The following AP2B1 variants were observed in gnomAD, a reference collection of about 807,000 sequenced individuals.
AP2B1 encodes adaptor related protein complex 2 subunit beta 1.
A neutral mutation model predicts 102.0 loss-of-function variants in AP2B1; 23 were observed. The ratio of observed to expected loss-of-function variants is 0.23; its 90% confidence interval spans 0.16 to 0.32. AP2B1 has a LOEUF of 0.32. Among genes scored for constraint, AP2B1 ranks in the 10% least tolerant of loss-of-function variants. The pLI, the probability that AP2B1 is intolerant of heterozygous loss-of-function variation, is 1.00. For synonymous variants in AP2B1, 381 were observed against 421.2 expected (o/e 0.90, Z 1.17); for missense variants, 541 against 1,157.4 (o/e 0.47, Z 7.73).
chr17:35,702,709 G>A (rs1181096548), intron 18 of AP2B1, among the ~76,000 whole-genome samples: 5 of 152,172 alleles, frequency 3.3e-5, no homozygotes, highest in South Asian at 2.1e-4. Flanking sequence ...GAGGCAGAGA[G>A]ACTGTTAAAG....
At chr17:35,636,692 A>G (rs2074616721) in intron 10 of AP2B1, among the ~76,000 whole-genome samples, 1 of 152,220 alleles carries the variant, frequency 6.6e-6, no homozygotes, top group Admixed American at 6.5e-5. Context: ...GTCTATTGGC[A>G]TATTTTAAAG....
intron 5 of AP2B1, among the ~76,000 whole-genome samples, chr17:35,614,467 G>A (rs1204995709): frequency 6.6e-6 from 1 of 151,944 alleles, no homozygotes; most frequent in Non-Finnish European, 1.5e-5. Context: ...TGAGATTATA[G>A]GCGTGAGCCA....
intron 3 of AP2B1, among the ~76,000 whole-genome samples, chr17:35,599,206 A>C (rs375754229): frequency 3.0e-4 from 45 of 152,256 alleles, no homozygotes; most frequent in African/African-American, 1.1e-3. Context: ...GACTTGAGAA[A>C]AAACCCTTGT....
intron 13 of AP2B1, among the ~76,000 whole-genome samples, chr17:35,656,599 A>G (rs911307961): frequency 6.6e-6 from 1 of 152,208 alleles, no homozygotes; most frequent in Admixed American, 6.5e-5. Context: ...CTTATCATAT[A>G]AAAAATCAAC....
In AP2B1 at chr17:35,679,212, G is replaced by A. The variant is rs536190448; in HGVS notation, c.2325-3483G>A. Among the ~76,000 whole-genome samples, 3 of 152,224 alleles carry A rather than the reference G, an allele frequency of 2.0e-5. No homozygotes were observed. The South Asian group carries it at 6.2e-4, about 32-fold the overall frequency. On this transcript the variant is annotated intron_variant, in intron 17 of 21. Transcript: ENST00000610402. The stretch of plus-strand genomic sequence containing the variant: ...AGAACGTTTCCTTCTTTGCTCTGGT[G>A]TAGCCACAGCTTCTTAGCCTCTCTG...
chr17:35,646,083 A>G (rs1301488447), intron 12 of AP2B1, among the ~76,000 whole-genome samples: 2 of 152,134 alleles, frequency 1.3e-5, no homozygotes, highest in South Asian at 4.1e-4. Context: ...CATTCCTGGT[A>G]TGTTAAAATG....
intron 17 of AP2B1, among the ~76,000 whole-genome samples, chr17:35,682,448 T>C (rs587721654): frequency 1.1e-4 from 17 of 150,302 alleles, no homozygotes; most frequent in African/African-American, 3.9e-4. Context: ...GTTCAAGCGA[T>C]TCTCCTGCCT....
intron 13 of AP2B1, among the ~76,000 whole-genome samples, chr17:35,656,675 C>T (rs2075230202): frequency 6.6e-6 from 1 of 152,020 alleles, no homozygotes; most frequent in African/African-American, 2.4e-5. Flanking sequence ...GTGGGCGGAT[C>T]ACAAGGTCAG....
chr17:35,589,859 G>C (rs1239002184), intron 1 of AP2B1, among the ~76,000 whole-genome samples: 1 of 151,292 alleles, frequency 6.6e-6, no homozygotes, highest in Non-Finnish European at 1.5e-5. Context: ...GATTTTTGAG[G>C]CACTTCAGCA....
chr17:35,608,942 G>A (rs2073774947), intron 5 of AP2B1, among the ~76,000 whole-genome samples: 1 of 152,138 alleles, frequency 6.6e-6, no homozygotes, highest in South Asian at 2.1e-4. Context: ...ATATAATGAA[G>A]AAGGTCAAGT....
intron 4 of AP2B1, among the ~76,000 whole-genome samples, chr17:35,607,306 G>C (rs1376970011): frequency 6.6e-6 from 1 of 151,948 alleles, no homozygotes; most frequent in African/African-American, 2.4e-5. Flanking sequence ...AAAATGTTTT[G>C]AAAAATAAGC....
chr17:35,677,352 G>C (rs2075724267), intron 17 of AP2B1, among the ~76,000 whole-genome samples: 1 of 152,116 alleles, frequency 6.6e-6, no homozygotes, highest in Non-Finnish European at 1.5e-5. Flanking sequence ...GGCTTTTTGT[G>C]TTCTAAGAAA....
intron 5 of AP2B1, among the ~76,000 whole-genome samples, chr17:35,617,377 T>C (rs1288671529): frequency 6.6e-6 from 1 of 152,196 alleles, no homozygotes; most frequent in Non-Finnish European, 1.5e-5. Context: ...ATATTCTATA[T>C]TGTACAGTGA....
intron 16 of AP2B1, 22 bp downstream of exon 16, chr17:35,671,922 C>T: frequency 6.2e-7 from 1 of 1,610,104 alleles, no homozygotes; most frequent in Non-Finnish European, 8.5e-7. Context: ...GTTAACATAG[C>T]AATACTTTCT....
intron 10 of AP2B1, among the ~76,000 whole-genome samples, chr17:35,638,937 A>G (rs1449042764): frequency 6.6e-6 from 1 of 152,232 alleles, no homozygotes; most frequent in Non-Finnish European, 1.5e-5. Flanking sequence ...CCTCTCTACC[A>G]TGAAGGCAAA....
chr17:35,681,905 A>T (rs1171639714), intron 17 of AP2B1, among the ~76,000 whole-genome samples: 1 of 152,202 alleles, frequency 6.6e-6, no homozygotes, highest in African/African-American at 2.4e-5. Flanking sequence ...GAAAATTATG[A>T]TGTAACCAGT....
intron 11 of AP2B1, among the ~76,000 whole-genome samples, chr17:35,640,076 C>T (rs964624137): frequency 1.3e-5 from 2 of 151,886 alleles, no homozygotes; most frequent in African/African-American, 4.8e-5. Flanking sequence ...ACCACCACAC[C>T]TGGCTAATTT....
intron 9 of AP2B1, among the ~76,000 whole-genome samples, chr17:35,628,853 AAT>A (rs2074387012): frequency 2.6e-5 from 4 of 152,132 alleles, no homozygotes; most frequent in Non-Finnish European, 5.9e-5. Context: ...TGGCTTGCAA[AAT>A]TTATGCATAT....
At chr17:35,701,302 C>T (rs2076234690) in intron 18 of AP2B1, among the ~76,000 whole-genome samples, 2 of 151,990 alleles carry the variant, frequency 1.3e-5, no homozygotes, top group South Asian at 2.1e-4. Context: ...TAAGAACTAC[C>T]GGTTGGTCAT....
Sources: gnomAD v4.1 joint callset for allele counts (sites outside exome capture counted in the v4.1 genomes callset) on GRCh38, gnomAD v4.1.1 for gene constraint, MANE v1.5 for transcripts, NCBI Gene and HGNC (gene_info 2026-07-23, HGNC 2026-07-21) for gene names.